AMPD3: variants seen among roughly 807,000 people sequenced by gnomAD.
The protein encoded by AMPD3 is AMP deaminase 3.
Under a neutral mutation model 82.3 loss-of-function variants are expected in AMPD3, and 57 were observed. That is an observed-to-expected ratio of 0.69 (90% confidence interval 0.56 to 0.86). AMPD3 has a LOEUF of 0.86. AMPD3 is among the 40% of genes least tolerant of loss of function. The pLI, the probability that AMPD3 is intolerant of heterozygous loss-of-function variation, is 0.00. For missense variants in AMPD3, 870 were observed against 1,003.8 expected, an observed-to-expected ratio of 0.87 and a Z score of 1.80; for synonymous variants, 381 against 394.7, an observed-to-expected ratio of 0.97 and a Z score of 0.41.
At chr11:10,483,225 T>C (rs1848966203) in intron 4 of AMPD3, among the ~76,000 whole-genome samples, 1 of 152,064 alleles carries the variant, frequency 6.6e-6, no homozygotes, top group African/African-American at 2.4e-5. Flanking sequence ...TCATGAAGCC[T>C]TGCCATGAAG....
chr11:10,475,832 T>A (rs2133869729), intron 2 of AMPD3, among the ~76,000 whole-genome samples: 1 of 152,252 alleles, frequency 6.6e-6, no homozygotes, highest in East Asian at 1.9e-4. Context: ...TGACCCCTGG[T>A]CAAAGCCAGC....
chr11:10,499,463 G>A (rs1468353811), intron 10 of AMPD3: 2 of 159,830 alleles, frequency 1.3e-5, no homozygotes, highest in Non-Finnish European at 2.7e-5. Context: ...TGATCTGCCC[G>A]TCTCCTCCTC....
At chr11:10,457,854 C>T (rs1848143060) in intron 1 of AMPD3, among the ~76,000 whole-genome samples, 1 of 152,196 alleles carries the variant, frequency 6.6e-6, no homozygotes, top group Non-Finnish European at 1.5e-5. Context: ...GTGATTGTGC[C>T]ACTGCACTCC....
chr11:10,495,127 C>G, intron 8 of AMPD3, 97 bp downstream of exon 8: 1 of 1,610,512 alleles, frequency 6.2e-7, no homozygotes, highest in Non-Finnish European at 8.5e-7. Flanking sequence ...CCCTTCCCCT[C>G]CCTCTGTGTA....
At chr11:10,497,879 C>G in intron 10 of AMPD3, 2 of 974,062 alleles carry the variant, frequency 2.1e-6, no homozygotes, top group Non-Finnish European at 2.4e-6. Context: ...CCGTTACTAT[C>G]ACCATTTTGT....
chr11:10,484,481 C>A, intron 4 of AMPD3: 2 of 985,220 alleles, frequency 2.0e-6, no homozygotes, highest in Admixed American at 6.2e-5. Context: ...AAAATGAAGC[C>A]CATTTCAGTT....
At chr11:10,500,931 G>A in intron 11 of AMPD3, 1 of 985,360 alleles carries the variant, frequency 1.0e-6, no homozygotes, top group South Asian at 4.7e-5. Flanking sequence ...AGCCTAAACT[G>A]GTGCTAGTTG....
intron 12 of AMPD3, 146 bp from the exon 13 acceptor site, chr11:10,502,575 C>T (rs1359695149): frequency 2.2e-5 from 35 of 1,582,376 alleles, no homozygotes; most frequent in Admixed American, 8.6e-5. Flanking sequence ...GTCCTGGCTT[C>T]GAGGAACTCG....
At chr11:10,450,623 CG>C, upstream of AMPD3, 1 of 996,102 alleles carries the variant, frequency 1.0e-6, no homozygotes, top group Non-Finnish European at 1.2e-6. Context: ...GCGGGCCCCG[CG>C]GAGCCCAGGA....
At chr11:10,477,189 T>C in intron 2 of AMPD3, 1 of 856,494 alleles carries the variant, frequency 1.2e-6, no homozygotes, top group Non-Finnish European at 1.4e-6. Flanking sequence ...AACTGATTTC[T>C]TCAGGCCTGT....
chr11:10,484,380 C>T, intron 4 of AMPD3: 5 of 985,354 alleles, frequency 5.1e-6, no homozygotes, highest in Non-Finnish European at 6.0e-6. Flanking sequence ...ACAGTTATTC[C>T]CACTGGGCAG....
upstream of AMPD3, among the ~76,000 whole-genome samples, chr11:10,452,194 G>A (rs907129898): frequency 1.4e-5 from 2 of 145,300 alleles, no homozygotes; most frequent in African/African-American, 5.0e-5. Flanking sequence ...GTTTTTTTTT[G>A]CCTCTACACT....
chr11:10,460,100 T>TA (rs1848223570), intron 1 of AMPD3, among the ~76,000 whole-genome samples: 4 of 146,294 alleles, frequency 2.7e-5, no homozygotes, highest in African/African-American at 1.0e-4. Flanking sequence ...TATATATATA[T>TA]TTTATTTTTA....
intron 10 of AMPD3, chr11:10,497,521 G>A (rs1849449029): frequency 3.2e-6 from 3 of 944,774 alleles, no homozygotes; most frequent in Admixed American, 6.2e-5. Context: ...GTATCAGATG[G>A]TGATACAGGC....
intron 1 of AMPD3, among the ~76,000 whole-genome samples, chr11:10,460,503 T>G (rs1015512858): frequency 6.6e-6 from 1 of 150,854 alleles, no homozygotes; most frequent in Admixed American, 6.6e-5. Flanking sequence ...ACCTCCTAGG[T>G]TTAAGCAATT....
At chr11:10,492,408 GA>G (rs1849264113) in intron 6 of AMPD3, among the ~76,000 whole-genome samples, 1 of 152,324 alleles carries the variant, frequency 6.6e-6, no homozygotes, top group East Asian at 1.9e-4. Flanking sequence ...ACTAGTCAAG[GA>G]AGGGTGTGTT....
intron 4 of AMPD3, among the ~76,000 whole-genome samples, chr11:10,482,823 G>C (rs1190955756): frequency 2.6e-5 from 4 of 152,162 alleles, no homozygotes; most frequent in Non-Finnish European, 4.4e-5. Flanking sequence ...ACTGCGCCTG[G>C]CCTCATGTGG....
chr11:10,498,913 T>C (rs943859146), intron 10 of AMPD3, among the ~76,000 whole-genome samples: 1 of 152,216 alleles, frequency 6.6e-6, no homozygotes, highest in Non-Finnish European at 1.5e-5. Flanking sequence ...GGATGACCCC[T>C]GGGATCAGCC....
intron 3 of AMPD3, 55 bp from the exon 4 acceptor site, chr11:10,482,008 A>C: frequency 6.2e-7 from 1 of 1,608,848 alleles, no homozygotes; most frequent in Admixed American, 1.7e-5. Flanking sequence ...CTTTCCAAGG[A>C]TGGCAGTCTC....
Sources: allele counts gnomAD v4.1 joint callset (sites outside exome capture counted in the v4.1 genomes callset), GRCh38; gene constraint gnomAD v4.1.1; transcripts MANE v1.5; gene names NCBI Gene and HGNC (gene_info 2026-07-23, HGNC 2026-07-21).